Variants in HIP1 observed in about 807,000 individuals in gnomAD.
The protein encoded by HIP1 is huntingtin interacting protein 1.
In HIP1, 65 loss-of-function variants were observed where a neutral mutation model predicts 147.6. The ratio of observed to expected loss-of-function variants is 0.44; its 90% CI spans 0.36 to 0.54. The LOEUF (loss-of-function observed/expected upper bound fraction) is 0.54. HIP1 is among the 20% of genes least tolerant of loss of function. HIP1 has a pLI of 0.00. For missense variants in HIP1, 1,061 were observed against 1,299.6 expected (o/e 0.82, Z 2.82); for synonymous variants, 479 against 504.0 (o/e 0.95, Z 0.67).
chr7:75,539,052 C>T (rs1794197777), intron 30 of HIP1, among the ~76,000 whole-genome samples: 1 of 152,148 alleles, frequency 6.6e-6, no homozygotes, highest in South Asian at 2.1e-4. Context: ...GCTAGCTGGG[C>T]CTGGGAGGGA....
intron 1 of HIP1, among the ~76,000 whole-genome samples, chr7:75,644,190 T>C (rs965026471): frequency 2.6e-5 from 4 of 152,116 alleles, no homozygotes; most frequent in Admixed American, 6.6e-5. Flanking sequence ...CCAGGGTCAA[T>C]GTAAGAATTA....
At chr7:75,643,061 AGAGGCTGACACCTACTGGT>A (rs1302203558) in intron 1 of HIP1, among the ~76,000 whole-genome samples, 1 of 152,222 alleles carries the variant, frequency 6.6e-6, no homozygotes, top group Non-Finnish European at 1.5e-5. Context: ...GTGTCTTGGT[AGAGGCTGACACCTACTGGT>A]GAGTCGAGAT....
chr7:75,684,487 T>C (rs1554517356), intron 1 of HIP1, among the ~76,000 whole-genome samples: 1 of 147,964 alleles, frequency 6.8e-6, no homozygotes, highest in African/African-American at 2.5e-5. Flanking sequence ...TAAACAGCAG[T>C]ACCATTTCAG....
chr7:75,692,931 G>A (rs546692436), intron 1 of HIP1, among the ~76,000 whole-genome samples: 1 of 152,058 alleles, frequency 6.6e-6, no homozygotes, highest in East Asian at 2.0e-4. Context: ...TTGGGAGGCT[G>A]AGGCGGGAAA....
chr7:75,700,957 G>A (rs370030435), intron 1 of HIP1, among the ~76,000 whole-genome samples: 1 of 151,712 alleles, frequency 6.6e-6, no homozygotes, highest in African/African-American at 2.4e-5. Flanking sequence ...CGCCCGTCTC[G>A]GCCTCCTAAA....
intron 1 of HIP1, among the ~76,000 whole-genome samples, chr7:75,730,425 T>G (rs539826809): frequency 6.6e-6 from 1 of 150,992 alleles, no homozygotes; most frequent in South Asian, 2.1e-4. Context: ...CTGCAACCTC[T>G]GCCTCCCGAG....
chr7:75,544,846 G>A (rs782352885), intron 26 of HIP1, 46 bp from the exon 27 acceptor site: 1 of 1,218,478 alleles, frequency 8.2e-7, no homozygotes, highest in South Asian at 1.2e-5. Context: ...CAAATGAGCT[G>A]CAACTCCTCC....
chr7:75,536,266 G>A lies in HIP1; in HGVS notation c.*1906C>T, dbSNP rs76211757. On this transcript the variant is annotated 3_prime_UTR_variant, in exon 31 of 31. Transcript: ENST00000336926. Reference sequence around the variant, plus strand: ...CCTTAGCCCAGTATGGAGGTCACACGTCTGAGTATGGTCATCCGAGGTCCT... The same window carrying A: ...CCTTAGCCCAGTATGGAGGTCACACATCTGAGTATGGTCATCCGAGGTCCT... The A allele has an allele frequency of 1.8e-3, 352 of 200,770 alleles. No individual in the cohort carries two copies. The highest frequency in any genetic ancestry group is 7.7e-3 in the African/African-American group (331 of 42,720). 12.4% of individuals were successfully genotyped at this position (200,770 alleles called of 1,614,324 possible).
At chr7:75,564,143 T>A (rs1554495090) in intron 9 of HIP1, among the ~76,000 whole-genome samples, 1 of 152,100 alleles carries the variant, frequency 6.6e-6, no homozygotes, top group East Asian at 1.9e-4. Flanking sequence ...CCTACTGCCT[T>A]GGCCTCCCAA....
At chr7:75,585,292 C>T (rs1254369479) in intron 5 of HIP1, among the ~76,000 whole-genome samples, 1 of 151,656 alleles carries the variant, frequency 6.6e-6, no homozygotes, top group African/African-American at 2.4e-5. Flanking sequence ...TCAAGCGATT[C>T]TCCTGCCTCA....
At chr7:75,701,978 G>A (rs1397295994) in intron 1 of HIP1, among the ~76,000 whole-genome samples, 3 of 151,774 alleles carry the variant, frequency 2.0e-5, no homozygotes, top group African/African-American at 4.8e-5. Flanking sequence ...CGCCCAGGCT[G>A]GAGTGCAGTG....
At chr7:75,659,599 A>G (rs1039356643) in intron 1 of HIP1, among the ~76,000 whole-genome samples, 3 of 151,944 alleles carry the variant, frequency 2.0e-5, no homozygotes, top group Non-Finnish European at 4.4e-5. Flanking sequence ...CAGAGAGCCA[A>G]GATTGCGCCA....
intron 1 of HIP1, among the ~76,000 whole-genome samples, chr7:75,709,109 C>CTTTTTTTTTTTTTTTTTCTTTTT (rs55720152): frequency 1.5e-5 from 2 of 131,440 alleles, no homozygotes; most frequent in Non-Finnish European, 3.2e-5. Flanking sequence ...TTTTTCTTTT[C>CTTTTTTTTTTTTTTTTTCTTTTT]TTTTTTTTTT....
rs782484983 is a variant in HIP1 at position 75,533,844 on chromosome 7, C to T, written c.*4328G>A. On this transcript the variant is annotated 3_prime_UTR_variant, in exon 31 of 31. Transcript: ENST00000336926. ...CAGCAAACAGCTGGCTGGTTTGCTG[C>T]GCCGATGGCTGGCAGGTCCGTGGTG... 19 of 235,392 alleles carry T rather than the reference C, an allele frequency of 8.1e-5. No homozygotes were observed. The highest frequency in any genetic ancestry group is 1.2e-4 in the Non-Finnish European group (14 of 119,404). The allele number at this position is 235,392 out of a possible 1,614,324, so 14.6% of individuals were successfully genotyped here. A position where few individuals can be genotyped will look rare whatever the true frequency, so the allele number is the denominator to read the frequency against.
At chr7:75,737,750 G>C (rs1430756971) in intron 1 of HIP1, among the ~76,000 whole-genome samples, 1 of 151,908 alleles carries the variant, frequency 6.6e-6, no homozygotes, top group African/African-American at 2.4e-5. Flanking sequence ...ACTGTGTTTG[G>C]GGGAAGTATT....
chr7:75,573,209 C>T (rs1296073256), intron 8 of HIP1, among the ~76,000 whole-genome samples: 2 of 152,176 alleles, frequency 1.3e-5, no homozygotes, highest in East Asian at 3.9e-4. Context: ...CGACCAGCTA[C>T]AGAGAGGAGC....
chr7:75,705,582 T>C (rs1243882166), intron 1 of HIP1, among the ~76,000 whole-genome samples: 2 of 152,084 alleles, frequency 1.3e-5, no homozygotes, highest in Admixed American at 6.6e-5. Context: ...GCTGGTCTCC[T>C]GACCTCAGAT....
chr7:75,723,770 C>T (rs913500781), intron 1 of HIP1, among the ~76,000 whole-genome samples: 1 of 151,978 alleles, frequency 6.6e-6, no homozygotes, highest in African/African-American at 2.4e-5. Flanking sequence ...CATCCAAGAC[C>T]CTCCCTGCTT....
In HIP1 at chr7:75,587,344, A is replaced by G. The variant is rs185244450; in HGVS notation, c.385-511T>C. Among the ~76,000 whole-genome samples the G allele has an allele frequency of 1.8e-4, 27 of 152,232 alleles. No individual in the cohort carries two copies. In the East Asian group the frequency reaches 3.1e-3, roughly 17 times the overall value. On this transcript the variant is annotated intron_variant, in intron 4 of 30. Transcript: ENST00000336926. ...TGATCTGCCCGCCTCTGCCTCCCAAAGTGCTGGGATTACAGGCGTGAGCCA... is the reference window on the plus strand; with the variant it reads ...TGATCTGCCCGCCTCTGCCTCCCAAGGTGCTGGGATTACAGGCGTGAGCCA...
Sources: gnomAD v4.1 joint callset for allele counts (sites outside exome capture counted in the v4.1 genomes callset) on GRCh38, gnomAD v4.1.1 for gene constraint, MANE v1.5 for transcripts, NCBI Gene and HGNC (gene_info 2026-07-23, HGNC 2026-07-21) for gene names.